PTPRM: variants seen among roughly 807,000 people sequenced by gnomAD.
PTPRM encodes the protein receptor-type tyrosine-protein phosphatase mu.
Under a neutral mutation model 186.7 loss-of-function variants are expected in PTPRM, and 47 were observed. That is an observed-to-expected ratio of 0.25 (90% confidence interval 0.20 to 0.32). PTPRM has a LOEUF of 0.32. PTPRM is among the 10% of genes least tolerant of loss of function. The pLI is 1.00. For missense variants in PTPRM, 1,494 were observed against 1,865.0 expected, an observed-to-expected ratio of 0.80 and a Z score of 3.66; for synonymous variants, 668 against 674.9, an observed-to-expected ratio of 0.99 and a Z score of 0.16.
chr18:7,988,505 A>G (rs1163514774), intron 7 of PTPRM, among the ~76,000 whole-genome samples: 10 of 152,188 alleles, frequency 6.6e-5, no homozygotes, highest in South Asian at 2.1e-4. Context: ...ACCACGATCT[A>G]TATCCAAAAC....
chr18:7,927,011 CT>C (rs966441759), intron 5 of PTPRM, among the ~76,000 whole-genome samples: 5 of 127,090 alleles, frequency 3.9e-5, no homozygotes, highest in Non-Finnish European at 6.5e-5. Context: ...TAAAGAGTCT[CT>C]TTCTCTCTCT....
chr18:8,337,731 G>A (rs1368764036), intron 22 of PTPRM, among the ~76,000 whole-genome samples: 3 of 152,196 alleles, frequency 2.0e-5, no homozygotes, highest in African/African-American at 7.2e-5. Flanking sequence ...GCAAGGAGAT[G>A]TGCAGGCTTT....
chr18:7,950,414 A>C (rs2147066892), intron 6 of PTPRM, among the ~76,000 whole-genome samples: 1 of 152,028 alleles, frequency 6.6e-6, no homozygotes, highest in South Asian at 2.1e-4. Flanking sequence ...CTTAGACAAA[A>C]ATTGTCTGTT....
intron 1 of PTPRM, among the ~76,000 whole-genome samples, chr18:7,590,251 G>A (rs2037090048): frequency 6.6e-6 from 1 of 152,128 alleles, no homozygotes; most frequent in Non-Finnish European, 1.5e-5. Flanking sequence ...ATATAACACT[G>A]GCATCTTAAT....
chr18:7,929,343 A>C (rs1266506039), intron 5 of PTPRM, among the ~76,000 whole-genome samples: 1 of 152,176 alleles, frequency 6.6e-6, no homozygotes, highest in Non-Finnish European at 1.5e-5. Context: ...AGTTGTTTTC[A>C]CAGTCGGTCC....
At chr18:8,288,948 CGTG>C (rs1317782636) in intron 19 of PTPRM, among the ~76,000 whole-genome samples, 5 of 152,136 alleles carry the variant, frequency 3.3e-5, no homozygotes, top group African/African-American at 1.2e-4. Context: ...TTCCATAAAA[CGTG>C]GTAACCAGAA....
intron 1 of PTPRM, among the ~76,000 whole-genome samples, chr18:7,730,262 C>A (rs757756386): frequency 2.0e-5 from 3 of 152,132 alleles, no homozygotes; most frequent in African/African-American, 7.2e-5. Flanking sequence ...TTCTCTGTTA[C>A]GTACTGGATG....
intron 7 of PTPRM, among the ~76,000 whole-genome samples, chr18:7,966,534 A>T (rs936173780): frequency 2.0e-5 from 3 of 150,674 alleles, no homozygotes; most frequent in Non-Finnish European, 4.4e-5. Context: ...CTGCATTTCC[A>T]TCTGAGGTAC....
At chr18:8,380,663 C>G (rs1243960991) in intron 29 of PTPRM, among the ~76,000 whole-genome samples, 5 of 152,186 alleles carry the variant, frequency 3.3e-5, no homozygotes, top group Non-Finnish European at 5.9e-5. Flanking sequence ...GGTGACAGGG[C>G]AAGACACGGC....
rs1299177097 is a variant in PTPRM at position 7,834,493 on chromosome 18, C to CACACACACACACACAT, written c.197-53598_197-53597insTACACACACACACACA. Among the ~76,000 whole-genome samples, 481 of 138,090 alleles carry CACACACACACACACAT rather than the reference C, an allele frequency of 3.5e-3. 6 individuals carry two copies. The highest frequency in any genetic ancestry group is 0.016 in the East Asian group (70 of 4,442). 90.6% of individuals were successfully genotyped at this position (138,090 alleles called of 152,430 possible). On this transcript the variant is annotated intron_variant, in intron 2 of 32. Transcript: ENST00000580170. ...AAATACAGGCCAATATACAAGTATA[C>CACACACACACACACAT]ACACACACACACACACACACACACA... is the stretch of plus-strand genomic sequence containing the variant.
intron 19 of PTPRM, among the ~76,000 whole-genome samples, chr18:8,280,774 G>T (rs565994648): frequency 2.0e-5 from 3 of 152,172 alleles, no homozygotes; most frequent in Non-Finnish European, 2.9e-5. Flanking sequence ...GAGGGACCAC[G>T]CACAATGGCT....
Position 7,567,798 on chromosome 18 carries a change from G to A in PTPRM, c.-21G>A, listed in dbSNP as rs1343148822. ...GCCCACCCACCGCCGCCGGGGAGCGGCCCGGCCCGCACTCAGCACCATGAG... is the reference window on the plus strand; with the variant it reads ...GCCCACCCACCGCCGCCGGGGAGCGACCCGGCCCGCACTCAGCACCATGAG... On this transcript the variant is annotated 5_prime_UTR_variant, in exon 1 of 33. Transcript: ENST00000580170. This position sits in a 1 kb window ranked among gnomAD's most constrained non-coding sequence, Gnocchi z 4.3. 6.6e-7 allele frequency: 1 copy of A among 1,522,256 alleles called. No individual in the cohort carries two copies. 94.3% of individuals were successfully genotyped at this position (1,522,256 alleles called of 1,614,324 possible). A position where few individuals can be genotyped will look rare whatever the true frequency, so the allele number is the denominator to read the frequency against.
At chr18:7,795,573 G>A (rs558163393) in intron 2 of PTPRM, among the ~76,000 whole-genome samples, 1 of 152,100 alleles carries the variant, frequency 6.6e-6, no homozygotes, top group South Asian at 2.1e-4. Flanking sequence ...ATGATGGTCA[G>A]TTTACAGAGG....
chr18:7,933,752 C>G (rs2051629171), intron 5 of PTPRM, among the ~76,000 whole-genome samples: 1 of 152,158 alleles, frequency 6.6e-6, no homozygotes, highest in South Asian at 2.1e-4. Flanking sequence ...AATCGTTTCT[C>G]TCTGGGATGA....
At chr18:8,092,166 G>A (rs1023470087) in intron 11 of PTPRM, among the ~76,000 whole-genome samples, 1 of 152,080 alleles carries the variant, frequency 6.6e-6, no homozygotes, top group Non-Finnish European at 1.5e-5. Context: ...CAAACACTCA[G>A]CTTGGTTCAT....
chr18:7,808,374 T>A (rs574100391), intron 2 of PTPRM, among the ~76,000 whole-genome samples: 1 of 152,242 alleles, frequency 6.6e-6, no homozygotes, highest in South Asian at 2.1e-4. Flanking sequence ...TTAGATTTGG[T>A]CTTAACAGTG....
At chr18:8,092,307 C>T (rs2090779284) in intron 11 of PTPRM, among the ~76,000 whole-genome samples, 1 of 152,130 alleles carries the variant, frequency 6.6e-6, no homozygotes, top group Non-Finnish European at 1.5e-5. Flanking sequence ...TTCCATCATT[C>T]CAGCCAGTAA....
chr18:7,684,385 A>G (rs925539829), intron 1 of PTPRM, among the ~76,000 whole-genome samples: 1 of 152,166 alleles, frequency 6.6e-6, no homozygotes, highest in African/African-American at 2.4e-5. Flanking sequence ...CTACTCTTTG[A>G]GCATATTTTT....
chr18:8,063,925 A>T (rs187531320), intron 7 of PTPRM, among the ~76,000 whole-genome samples: 2 of 152,306 alleles, frequency 1.3e-5, no homozygotes, highest in Admixed American at 1.3e-4. Flanking sequence ...CTAACATTCA[A>T]CATTACCTAA....
Sources: gnomAD v4.1 joint callset for allele counts (sites outside exome capture counted in the v4.1 genomes callset) on GRCh38, gnomAD v4.1.1 for gene constraint, Gnocchi (gnomAD v3.1) non-coding constraint, MANE v1.5 for transcripts, NCBI Gene and HGNC (gene_info 2026-07-23, HGNC 2026-07-21) for gene names.